NHS: variants seen among roughly 807,000 people sequenced by gnomAD.
NHS encodes the protein NHS actin remodeling regulator, also known as actin remodeling regulator NHS.
In NHS, 5 loss-of-function variants were observed where a neutral mutation model predicts 72.5. The ratio of observed to expected loss-of-function variants is 0.07; its 90% confidence interval spans 0.04 to 0.14. The LOEUF (loss-of-function observed/expected upper bound fraction) is 0.14, where lower values mean the gene tolerates loss of function less well. Among genes scored for constraint, NHS ranks in the 10% least tolerant of loss-of-function variants. The probability of loss-of-function intolerance (pLI) is 1.00; values close to 1 mark genes in which losing one functional copy is unlikely to be tolerated. For missense variants in NHS, 1,072 were observed against 1,355.7 expected (o/e 0.79, Z 3.29); for synonymous variants, 464 against 547.7 (o/e 0.85, Z 2.13).
chrX:17,647,725 C>A (rs1378024641), intron 1 of NHS, among the ~76,000 whole-genome samples: 3 of 112,382 alleles, frequency 2.7e-5, no homozygotes, highest in African/African-American at 9.7e-5. Context: ...TTAAACACAT[C>A]ATCTCTTTTT....
At chrX:17,390,848 C>T (rs11094730) in intron 1 of NHS, among the ~76,000 whole-genome samples, 7,718 of 111,705 alleles carry the variant, frequency 0.069, 254 homozygotes, top group East Asian at 0.18. Flanking sequence ...CTAATACCAG[C>T]GAATCTCAGG....
rs142045779 is a variant in NHS, at chrX:17,450,126, G to A, written c.565+73804G>A. Among the ~76,000 whole-genome samples the A allele has an allele frequency of 2.3e-4, 26 of 111,592 alleles. No individual in the cohort carries two copies. The East Asian group carries it at 7.3e-3, about 32-fold the overall frequency. ...GATTGCCTTCAGATTGAAAACTTGA[G>A]GGTCTGCCACTCTGCAAGGACCATT... On this transcript the variant is annotated intron_variant, in intron 1 of 8. Coordinates refer to ENST00000676302, the MANE Select transcript of NHS (RefSeq NM_001291867.2).
intron 1 of NHS, among the ~76,000 whole-genome samples, chrX:17,515,969 T>C (rs1360075716): frequency 1.8e-5 from 2 of 109,738 alleles, no homozygotes; most frequent in Admixed American, 9.8e-5. Flanking sequence ...ATGATTTTCC[T>C]GGTCCAGCGT....
chrX:17,441,627 C>T (rs2064754528), intron 1 of NHS, among the ~76,000 whole-genome samples: 2 of 111,461 alleles, frequency 1.8e-5, no homozygotes. Flanking sequence ...CCCACCTTCC[C>T]ATCTCCCTCC....
intron 1 of NHS, among the ~76,000 whole-genome samples, chrX:17,615,261 C>CATAT (rs756380375): frequency 2.2e-5 from 2 of 89,855 alleles, no homozygotes; most frequent in African/African-American, 5.1e-5. Flanking sequence ...CATATATACA[C>CATAT]ATATATATAT....
intron 1 of NHS, among the ~76,000 whole-genome samples, chrX:17,649,531 T>G (rs1440601927): frequency 1.8e-5 from 2 of 111,516 alleles, no homozygotes; most frequent in Non-Finnish European, 3.8e-5. Context: ...CCATTTTGGC[T>G]AAATCATCAT....
At chrX:17,616,246 C>T (rs934645463) in intron 1 of NHS, among the ~76,000 whole-genome samples, 7 of 112,498 alleles carry the variant, frequency 6.2e-5, no homozygotes, top group Non-Finnish European at 1.3e-4. Flanking sequence ...GGCTGGGTGG[C>T]GCCACCTCTT....
intron 1 of NHS, among the ~76,000 whole-genome samples, chrX:17,404,377 G>A (rs767891685): frequency 5.4e-5 from 6 of 111,233 alleles, no homozygotes; most frequent in Non-Finnish European, 1.1e-4. Flanking sequence ...GGTGGGATCC[G>A]GGTTGGTGTC....
intron 1 of NHS, among the ~76,000 whole-genome samples, chrX:17,654,562 C>T (rs1274668858): frequency 8.9e-6 from 1 of 112,669 alleles, no homozygotes; most frequent in Admixed American, 9.4e-5. Flanking sequence ...TTTCTTATGA[C>T]CTTGGCAAGT....
chrX:17,695,590 G>C (rs1327378348), intron 3 of NHS, among the ~76,000 whole-genome samples: 1 of 111,550 alleles, frequency 9.0e-6, no homozygotes, highest in Non-Finnish European at 1.9e-5. Context: ...GTGTGCTGAG[G>C]TGCCTTAGGG....
intron 1 of NHS, among the ~76,000 whole-genome samples, chrX:17,380,422 A>T (rs755929769): frequency 1.9e-5 from 2 of 106,263 alleles, no homozygotes; most frequent in African/African-American, 7.0e-5. Flanking sequence ...GGGTACAGTG[A>T]CTTGATCATG....
At chrX:17,524,700 A>G (rs1388907388) in intron 1 of NHS, among the ~76,000 whole-genome samples, 1 of 112,634 alleles carries the variant, frequency 8.9e-6, no homozygotes, top group Non-Finnish European at 1.9e-5. Context: ...GGACCATATC[A>G]GGAGGCACAG....
chrX:17,707,221 A>T (rs2066301538), intron 3 of NHS, among the ~76,000 whole-genome samples: 1 of 111,854 alleles, frequency 8.9e-6, no homozygotes, highest in Non-Finnish European at 1.9e-5. Context: ...GTGGATGAAG[A>T]TACTTGGTAT....
At chrX:17,450,378 C>T (rs1469825390) in intron 1 of NHS, among the ~76,000 whole-genome samples, 1 of 112,107 alleles carries the variant, frequency 8.9e-6, no homozygotes, top group Non-Finnish European at 1.9e-5. Flanking sequence ...CCTGATGTCA[C>T]TCTAAGCATT....
intron 3 of NHS, among the ~76,000 whole-genome samples, chrX:17,694,777 A>G (rs774318489): frequency 5.4e-5 from 6 of 111,799 alleles, no homozygotes; most frequent in Non-Finnish European, 1.1e-4. Context: ...ATCAGATGTT[A>G]TTATTATTAT....
intron 1 of NHS, among the ~76,000 whole-genome samples, chrX:17,394,531 G>A (rs1157537006): frequency 8.9e-6 from 1 of 111,917 alleles, no homozygotes; most frequent in African/African-American, 3.3e-5. Flanking sequence ...GTTAGACAAG[G>A]GATGCTTTTC....
At chrX:17,676,293 T>C (rs778686536) in intron 1 of NHS, among the ~76,000 whole-genome samples, 3 of 112,424 alleles carry the variant, frequency 2.7e-5, no homozygotes, top group East Asian at 5.6e-4. Flanking sequence ...CACCCATGTT[T>C]ATGATACCTC....
intron 5 of NHS, among the ~76,000 whole-genome samples, chrX:17,723,033 T>C (rs1382411801): frequency 8.9e-6 from 1 of 112,164 alleles, no homozygotes; most frequent in African/African-American, 3.2e-5. Context: ...TCTGCGTCTA[T>C]ATATAATGCA....
intron 1 of NHS, among the ~76,000 whole-genome samples, chrX:17,555,798 G>C (rs745723401): frequency 8.9e-6 from 1 of 111,923 alleles, no homozygotes; most frequent in East Asian, 2.8e-4. Context: ...ACCCCCAGGA[G>C]GTTTTGGGGG....
Sources: gnomAD v4.1 joint callset for allele counts (sites outside exome capture counted in the v4.1 genomes callset) on GRCh38, gnomAD v4.1.1 for gene constraint, MANE v1.5 for transcripts, NCBI Gene and HGNC (gene_info 2026-07-23, HGNC 2026-07-21) for gene names.